Variants in ESF1 observed in about 807,000 individuals in gnomAD.
ESF1 encodes ESF1 nucleolar pre-rRNA processing protein, also known as ESF1 homolog.
Under a neutral mutation model 92.0 loss-of-function variants are expected in ESF1, and 58 were observed. That is an observed-to-expected ratio of 0.63 (90% CI 0.51 to 0.78). The LOEUF is 0.78. Among genes scored for constraint, ESF1 ranks in the 30% least tolerant of loss-of-function variants. ESF1 has a pLI of 0.00. For synonymous variants in ESF1, 321 were observed against 313.7 expected (o/e 1.02, Z -0.24); for missense variants, 922 against 989.1 (o/e 0.93, Z 0.91).
At chr20:13,722,265 G>A (rs907196807) in intron 11 of ESF1, among the ~76,000 whole-genome samples, 5 of 152,064 alleles carry the variant, frequency 3.3e-5, no homozygotes, top group African/African-American at 1.2e-4. Flanking sequence ...CCCCAAGATA[G>A]GGCTAAACAT....
chr20:13,776,848 G>A (rs1457095856), intron 2 of ESF1, among the ~76,000 whole-genome samples: 1 of 152,080 alleles, frequency 6.6e-6, no homozygotes, highest in Non-Finnish European at 1.5e-5. Context: ...GAGCAAGGAA[G>A]GTACCTGTAA....
At chr20:13,731,302 C>T (rs1423473001) in intron 10 of ESF1, among the ~76,000 whole-genome samples, 1 of 151,840 alleles carries the variant, frequency 6.6e-6, no homozygotes, top group African/African-American at 2.4e-5. Context: ...GAGGCCGAGG[C>T]GGGAGGATCA....
chr20:13,736,597 G>C (rs181855522), intron 9 of ESF1, among the ~76,000 whole-genome samples: 1 of 152,084 alleles, frequency 6.6e-6, no homozygotes, highest in Non-Finnish European at 1.5e-5. Flanking sequence ...TCTTAAAGGA[G>C]GGATTCTTAT....
intron 11 of ESF1, among the ~76,000 whole-genome samples, chr20:13,726,137 C>T (rs1273005897): frequency 6.6e-6 from 1 of 152,140 alleles, no homozygotes; most frequent in Non-Finnish European, 1.5e-5. Context: ...TCTGGTCTTC[C>T]AGCCCTCACC....
intron 2 of ESF1, among the ~76,000 whole-genome samples, chr20:13,776,514 C>G (rs1216039088): frequency 6.6e-6 from 1 of 152,138 alleles, no homozygotes; most frequent in Non-Finnish European, 1.5e-5. Flanking sequence ...AACACATGCT[C>G]ACATCACGCA....
Position 13,728,400 on chromosome 20 carries a change from A to G in ESF1, c.2016T>C (p.Phe672=). ...PSDVDLNDPY[F]AEEVKQIGIN... ...TACCTATTTGTTTAACTTCTTCAGCAAAGTATGGGTCATTCAAATCAACAT... is the reference window on the plus strand; with the variant it reads ...TACCTATTTGTTTAACTTCTTCAGCGAAGTATGGGTCATTCAAATCAACAT... Residue 672 remains phenylalanine (F), a synonymous_variant, in exon 11 of 14, where the codon TTT becomes TTC. Coordinates refer to ENST00000617257, the MANE Select transcript of ESF1 (RefSeq NM_001276380.2). 1 of 1,612,482 alleles carries G rather than the reference A, an allele frequency of 6.2e-7. No individual in the cohort carries two copies. Among genetic ancestry groups the G allele is most frequent in the Non-Finnish European group, 8.5e-7 (1 of 1,179,300 alleles).
In ESF1 at chr20:13,779,229, C is replaced by CA. The variant is rs991988535; in HGVS notation, c.638-2960dup. 2.6e-5 allele frequency among the ~76,000 whole-genome samples: 4 copies of CA among 151,338 alleles called. No individual in the cohort carries two copies. In the South Asian group the frequency reaches 6.3e-4, roughly 24 times the overall value. The stretch of plus-strand genomic sequence containing the variant: ...CTTCAAACAAAAAACAAAAAAAAAC[C>CA]AAAAAAACTGCTTTACCATTTTCCC... On this transcript the variant is annotated intron_variant, in intron 2 of 13. Transcript: ENST00000617257.
Position 13,776,072 on chromosome 20 carries a change from T to A in ESF1, c.836A>T (p.Asp279Val). The stretch of plus-strand genomic sequence containing the variant: ...ATCTTCATCCTCCTCTTCATCTTCA[T>A]CCTCCTCTTCATCATCTTCACTTCC... ...DDGSEDDEEE[D>V]EDEEEDEDED... The change falls in exon 3 of 14, where the codon GAT becomes GTT. Residue 279 changes from aspartate to valine, a missense_variant. Coordinates refer to ENST00000617257, the MANE Select transcript of ESF1 (RefSeq NM_001276380.2). 6.2e-7 allele frequency: 1 copy of A among 1,613,770 alleles called. No homozygotes were observed.
intron 2 of ESF1, among the ~76,000 whole-genome samples, chr20:13,781,537 C>T (rs979552287): frequency 6.6e-6 from 1 of 152,086 alleles, no homozygotes; most frequent in African/African-American, 2.4e-5. Context: ...TATAAAAGGA[C>T]AAGAAGGGCT....
intron 9 of ESF1, among the ~76,000 whole-genome samples, chr20:13,752,475 T>C (rs1978683202): frequency 6.6e-6 from 1 of 152,186 alleles, no homozygotes; most frequent in African/African-American, 2.4e-5. Context: ...CTGGTTATTT[T>C]AAAAGTTCTG....
At chr20:13,731,985 T>C (rs1373523368) in intron 10 of ESF1, among the ~76,000 whole-genome samples, 1 of 152,238 alleles carries the variant, frequency 6.6e-6, no homozygotes, top group Non-Finnish European at 1.5e-5. Flanking sequence ...GTATCCTTTG[T>C]AATATCCTTT....
intron 5 of ESF1, 49 bp downstream of exon 5, chr20:13,772,466 T>C: frequency 7.4e-7 from 1 of 1,342,678 alleles, no homozygotes; most frequent in Non-Finnish European, 1.1e-6. Flanking sequence ...TCTGAACTAA[T>C]GACATGAATT....
At chr20:13,747,329 G>A (rs1486587680) in intron 9 of ESF1, among the ~76,000 whole-genome samples, 1 of 151,830 alleles carries the variant, frequency 6.6e-6, no homozygotes, top group Non-Finnish European at 1.5e-5. Context: ...GAGAGGCTGA[G>A]GCAGGCGGAT....
intron 2 of ESF1, among the ~76,000 whole-genome samples, chr20:13,777,202 A>T (rs545536386): frequency 1.3e-5 from 2 of 152,234 alleles, no homozygotes; most frequent in Non-Finnish European, 2.9e-5. Flanking sequence ...GGGTGGCAGT[A>T]TGTATGCAGA....
At chr20:13,762,968 C>CA in intron 8 of ESF1, 1 of 245,262 alleles carries the variant, frequency 4.1e-6, no homozygotes, top group South Asian at 3.7e-5. Flanking sequence ...TCATGCCATT[C>CA]TCCTGCCTCA....
chr20:13,765,435 AG>A (rs1460555821), intron 8 of ESF1, among the ~76,000 whole-genome samples: 1 of 152,246 alleles, frequency 6.6e-6, no homozygotes, highest in African/African-American at 2.4e-5. Context: ...TTCAAAACCA[AG>A]AAGGGAATAT....
intron 9 of ESF1, among the ~76,000 whole-genome samples, chr20:13,747,834 G>A (rs116595614): frequency 0.052 from 7,928 of 152,068 alleles, 379 homozygotes; most frequent in African/African-American, 0.12. Context: ...TGTGAACATC[G>A]TAATAGAGTA....
intron 2 of ESF1, among the ~76,000 whole-genome samples, chr20:13,780,934 G>A (rs1568731365): frequency 6.6e-6 from 1 of 152,074 alleles, no homozygotes; most frequent in Non-Finnish European, 1.5e-5. Flanking sequence ...CTAATCAAAC[G>A]GGACTACTGA....
At chr20:13,733,964 C>T (rs1029830351) in intron 9 of ESF1, 122 bp from the exon 10 acceptor site, 1 of 1,194,840 alleles carries the variant, frequency 8.4e-7, no homozygotes, top group Non-Finnish European at 1.1e-6. Context: ...AGATAACATG[C>T]AATGGTAAAT....
Sources: allele counts gnomAD v4.1 joint callset (sites outside exome capture counted in the v4.1 genomes callset), GRCh38; gene constraint gnomAD v4.1.1; transcripts MANE v1.5; gene names NCBI Gene and HGNC (gene_info 2026-07-23, HGNC 2026-07-21).